Variants in SAAL1 observed in about 807,000 individuals in gnomAD.
The protein encoded by SAAL1 is serum amyloid A like 1, also known as protein SAAL1.
In SAAL1, 42 loss-of-function variants were observed where a neutral mutation model predicts 59.8. The ratio of observed to expected loss-of-function variants is 0.70; its 90% CI spans 0.55 to 0.91. The LOEUF (loss-of-function observed/expected upper bound fraction) is 0.91, where lower values mean the gene tolerates loss of function less well. Ranked by LOEUF, SAAL1 falls within the 40% of genes least tolerant of loss-of-function variation. The probability of loss-of-function intolerance (pLI) is 0.00; values close to 1 mark genes in which losing one functional copy is unlikely to be tolerated. For synonymous variants in SAAL1, 191 were observed against 194.3 expected, an observed-to-expected ratio of 0.98 and a Z score of 0.14; for missense variants, 542 against 561.1, an observed-to-expected ratio of 0.97 and a Z score of 0.34.
At chr11:18,103,146 C>A (rs750969935) in intron 2 of SAAL1, 87 bp downstream of exon 2, 30 of 876,610 alleles carry the variant, frequency 3.4e-5, no homozygotes, top group Non-Finnish European at 5.2e-5. Context: ...AGCCTTTCCC[C>A]AGAGTGAAGG....
At chr11:18,102,010 G>A (rs935691902) in intron 2 of SAAL1, among the ~76,000 whole-genome samples, 3 of 152,170 alleles carry the variant, frequency 2.0e-5, no homozygotes, top group African/African-American at 7.2e-5. Flanking sequence ...GGAGAGGCAA[G>A]AGGAAGAGAC....
chr11:18,100,688 T>C (rs1564873235), intron 2 of SAAL1, among the ~76,000 whole-genome samples: 3 of 152,224 alleles, frequency 2.0e-5, no homozygotes, highest in South Asian at 2.1e-4. Context: ...TGTCTATCTT[T>C]AAAAAGAAAA....
At chr11:18,085,697 A>C (rs938268078) in intron 9 of SAAL1, among the ~76,000 whole-genome samples, 23 of 152,222 alleles carry the variant, frequency 1.5e-4, no homozygotes, top group Non-Finnish European at 1.0e-4. Context: ...AATATTTAAA[A>C]ACACTATGGC....
chr11:18,082,598 TA>T (rs201009185), intron 10 of SAAL1, among the ~76,000 whole-genome samples: 10 of 146,764 alleles, frequency 6.8e-5, no homozygotes, highest in East Asian at 5.8e-4. Flanking sequence ...AGACAACTAA[TA>T]AAAAAAAAAT....
intron 4 of SAAL1, 107 bp from the exon 5 acceptor site, chr11:18,090,600 T>G: frequency 8.4e-7 from 1 of 1,197,434 alleles, no homozygotes; most frequent in East Asian, 2.6e-5. Flanking sequence ...CAGCATATAT[T>G]CAGAAAAGCT....
intron 7 of SAAL1, among the ~76,000 whole-genome samples, chr11:18,089,019 T>C (rs1590285984): frequency 6.6e-6 from 1 of 152,222 alleles, no homozygotes; most frequent in East Asian, 1.9e-4. Flanking sequence ...GCAACGTTAA[T>C]GAAGTTGTTA....
At chr11:18,105,492 T>A (rs956624174) in intron 1 of SAAL1, among the ~76,000 whole-genome samples, 4 of 152,062 alleles carry the variant, frequency 2.6e-5, no homozygotes, top group Admixed American at 1.3e-4. Flanking sequence ...GTTTTTAATA[T>A]AAAAGTTGTA....
intron 7 of SAAL1, among the ~76,000 whole-genome samples, chr11:18,088,216 T>G (rs751816298): frequency 1.3e-5 from 2 of 152,200 alleles, no homozygotes; most frequent in Non-Finnish European, 2.9e-5. Context: ...CTTTATTTTT[T>G]TGAGAATTTT....
rs572936943 is a variant in SAAL1, at chr11:18,092,091, T to A, written c.413+154A>T. Among the ~76,000 whole-genome samples the A allele has an allele frequency of 3.3e-5, 5 of 152,302 alleles. No homozygotes were observed. The South Asian group carries it at 1.0e-3, about 32-fold the overall frequency. ...TTTCAGTATCTCCTGAAGAAGCCCC[T>A]AGCTATCATCAACACACAATGAAGT... On this transcript the variant is annotated intron_variant, in intron 4 of 11. Transcript: ENST00000524803.
rs747482322 is a variant in SAAL1 at position 18,080,466 on chromosome 11, C to T, written c.1358G>A (p.Arg453His). ...ATCAGCAAGCGCCTTATCAACTTCA[C>T]GTAGGATTTTAATAAAATCTTCCAC... ...PVVEDFIKIL[R>H]EVDKALADDL... Residue 453 changes from arginine to histidine, a missense_variant, in exon 12 of 12, where the codon CGT becomes CAT. Coordinates refer to ENST00000524803, the MANE Select transcript of SAAL1 (RefSeq NM_138421.3). 3.0e-5 allele frequency: 47 copies of T among 1,583,668 alleles called. No individual in the cohort carries two copies. Among genetic ancestry groups the T allele is most frequent in the Admixed American group, 6.0e-5 (3 of 50,092 alleles).
intron 1 of SAAL1, 32 bp downstream of exon 1, chr11:18,105,875 G>T (rs929964005): frequency 1.3e-6 from 2 of 1,555,370 alleles, no homozygotes; most frequent in Non-Finnish European, 1.7e-6. Context: ...GGGGATGTAG[G>T]GACACCCCAC....
intron 1 of SAAL1, 62 bp from the exon 2 acceptor site, chr11:18,103,408 C>A (rs1848654813): frequency 3.4e-6 from 4 of 1,174,470 alleles, no homozygotes; most frequent in East Asian, 4.7e-5. Context: ...ACCAGGTACC[C>A]AAATACAGCA....
intron 2 of SAAL1, among the ~76,000 whole-genome samples, chr11:18,099,587 C>T (rs1038545308): frequency 6.6e-6 from 1 of 152,164 alleles, no homozygotes; most frequent in African/African-American, 2.4e-5. Flanking sequence ...GAAGGGGTGA[C>T]ATTATGCTTT....
intron 11 of SAAL1, 141 bp from the exon 12 acceptor site, chr11:18,080,632 T>C (rs1293297333): frequency 3.6e-6 from 2 of 561,466 alleles, no homozygotes; most frequent in Admixed American, 3.8e-5. Context: ...TAACAGTACT[T>C]CCTAAGCAGT....
At chr11:18,081,745 C>G (rs1848412824) in intron 10 of SAAL1, 2 of 430,288 alleles carry the variant, frequency 4.6e-6, no homozygotes, top group African/African-American at 2.0e-5. Flanking sequence ...TGGAACACAG[C>G]CAAGACTTTT....
At position 18,080,300 on chromosome 11, in the gene SAAL1, TA is replaced by T; in HGVS notation, c.*98del. On this transcript the variant is annotated 3_prime_UTR_variant, in exon 12 of 12. Coordinates refer to ENST00000524803, the MANE Select transcript of SAAL1 (RefSeq NM_138421.3). ...ATGTTAACACCAGACAATTATGGTC[TA>T]ATATGGGCTTTAGTTAATATTTCCA... The T allele has an allele frequency of 1.3e-6, 1 of 747,594 alleles. No homozygotes were observed. The highest frequency in any genetic ancestry group is 2.2e-6 in the Non-Finnish European group (1 of 458,634). 46.3% of individuals were successfully genotyped at this position (747,594 alleles called of 1,614,324 possible). A position where few individuals can be genotyped will look rare whatever the true frequency, so the allele number is the denominator to read the frequency against.
Position 18,083,531 on chromosome 11 carries a change from C to T in SAAL1, c.1239+4G>A, listed in dbSNP as rs762493447. The T allele has an allele frequency of 3.9e-6, 6 of 1,534,336 alleles. No homozygotes were observed. In the South Asian group the frequency reaches 7.0e-5, roughly 18 times the overall value. ...TTATGACATCATCAATACTTCTTTC[C>T]TACCTTTGTTAATGCCTGAAAAATA... On this transcript the variant is annotated splice_donor_region_variant and intron_variant, in intron 10 of 11. Transcript: ENST00000524803.
intron 1 of SAAL1, 73 bp downstream of exon 1, chr11:18,105,834 G>C: frequency 6.8e-7 from 1 of 1,465,994 alleles, no homozygotes; most frequent in Non-Finnish European, 9.0e-7. Flanking sequence ...CGGGGCAGGA[G>C]GATTCGCCAG....
intron 3 of SAAL1, among the ~76,000 whole-genome samples, chr11:18,093,419 C>T (rs1374900243): frequency 1.3e-5 from 2 of 152,108 alleles, no homozygotes; most frequent in Non-Finnish European, 2.9e-5. Context: ...AAATAGGGTT[C>T]AGTACTATCC....
Sources: gnomAD v4.1 joint callset for allele counts (sites outside exome capture counted in the v4.1 genomes callset) on GRCh38, gnomAD v4.1.1 for gene constraint, MANE v1.5 for transcripts, NCBI Gene and HGNC (gene_info 2026-07-23, HGNC 2026-07-21) for gene names.